Variants in PTPRA observed in about 807,000 individuals in gnomAD.
PTPRA encodes receptor-type tyrosine-protein phosphatase alpha.
In PTPRA, 25 loss-of-function variants were observed where a neutral mutation model predicts 104.8. The ratio of observed to expected loss-of-function variants is 0.24; its 90% CI spans 0.17 to 0.33. The LOEUF is 0.33. Ranked by LOEUF, PTPRA falls within the 10% of genes least tolerant of loss-of-function variation. The probability of loss-of-function intolerance (pLI) is 1.00; values close to 1 mark genes in which losing one functional copy is unlikely to be tolerated. For synonymous variants in PTPRA, 323 were observed against 368.9 expected (o/e 0.88, Z 1.43); for missense variants, 765 against 1,015.3 (o/e 0.75, Z 3.35).
chr20:2,967,214 T>A (rs1006945055), intron 5 of PTPRA, among the ~76,000 whole-genome samples: 1 of 152,188 alleles, frequency 6.6e-6, no homozygotes, highest in Non-Finnish European at 1.5e-5. Context: ...ATAAACTGAC[T>A]TAGGTCCAAA....
At chr20:2,865,807 AG>A in the PTPRA span, 1 of 477,990 alleles carries the variant, frequency 2.1e-6, no homozygotes, top group African/African-American at 2.0e-5. The surrounding 1 kb of genome is among the most constrained non-coding windows in gnomAD (Gnocchi z 5.2). Flanking sequence ...GGGCACAGGG[AG>A]GGTGCATATG....
intron 7 of PTPRA, 70 bp from the exon 8 acceptor site, chr20:2,987,962 G>T: frequency 7.5e-7 from 1 of 1,332,820 alleles, no homozygotes; most frequent in Non-Finnish European, 1.1e-6. Context: ...TGATGAGCAG[G>T]AATACAGAGG....
At chr20:3,017,729 C>T in intron 12 of PTPRA, 87 bp from the exon 13 acceptor site, 1 of 1,177,074 alleles carries the variant, frequency 8.5e-7, no homozygotes, top group Non-Finnish European at 1.3e-6. Flanking sequence ...GCACAAGCTT[C>T]CAAAAGTCAG....
chr20:2,924,293 TCA>T (rs2060210916), intron 2 of PTPRA, among the ~76,000 whole-genome samples: 14 of 152,248 alleles, frequency 9.2e-5, no homozygotes, highest in Admixed American at 6.5e-4. Context: ...TCCCAGCTAC[TCA>T]GGAGGCTAAG....
chr20:2,905,806 T>C (rs914019791), intron 1 of PTPRA, among the ~76,000 whole-genome samples: 5 of 149,976 alleles, frequency 3.3e-5, no homozygotes, highest in Non-Finnish European at 4.4e-5. Context: ...TGTCTCAGCC[T>C]GCCGAATAGC....
the PTPRA span, chr20:2,864,975 T>C: frequency 6.2e-7 from 1 of 1,614,150 alleles, no homozygotes; most frequent in Non-Finnish European, 8.5e-7. This position sits in a 1 kb window ranked among gnomAD's most constrained non-coding sequence, Gnocchi z 5.2. Context: ...CTTGTCTTTA[T>C]AGCGTATTGA....
intron 2 of PTPRA, among the ~76,000 whole-genome samples, chr20:2,945,821 C>A (rs1297268319): frequency 6.6e-6 from 1 of 151,560 alleles, no homozygotes; most frequent in African/African-American, 2.4e-5. Flanking sequence ...CCCAGCTACT[C>A]GAGAGGCTGC....
At chr20:2,885,900 CT>C (rs1156463878) in intron 1 of PTPRA, among the ~76,000 whole-genome samples, 1 of 151,826 alleles carries the variant, frequency 6.6e-6, no homozygotes, top group Non-Finnish European at 1.5e-5. Flanking sequence ...CCCGTCTCTA[CT>C]AAAAATACAA....
chr20:3,031,494 G>A (rs1379210360), intron 20 of PTPRA, among the ~76,000 whole-genome samples: 1 of 151,878 alleles, frequency 6.6e-6, no homozygotes, highest in Non-Finnish European at 1.5e-5. Context: ...TGCTTTTGGA[G>A]GCATCAGTCA....
intron 1 of PTPRA, among the ~76,000 whole-genome samples, chr20:2,904,948 C>T (rs890852832): frequency 4.6e-5 from 7 of 152,060 alleles, no homozygotes; most frequent in Non-Finnish European, 7.4e-5. Context: ...TTATATAGAG[C>T]AGGGATACCC....
intron 6 of PTPRA, among the ~76,000 whole-genome samples, chr20:2,975,838 A>G (rs757299855): frequency 6.6e-5 from 10 of 152,212 alleles, no homozygotes; most frequent in Non-Finnish European, 1.3e-4. Flanking sequence ...AGAGCATGAG[A>G]GAAAGAGAAA....
At chr20:2,979,281 A>G (rs1056745656) in intron 6 of PTPRA, among the ~76,000 whole-genome samples, 1 of 152,126 alleles carries the variant, frequency 6.6e-6, no homozygotes, top group Admixed American at 6.5e-5. Context: ...AAACTAGATT[A>G]TTTCTTTTGG....
At chr20:2,989,874 G>A (rs1177921058) in intron 9 of PTPRA, among the ~76,000 whole-genome samples, 2 of 152,102 alleles carry the variant, frequency 1.3e-5, no homozygotes, top group Admixed American at 6.6e-5. Context: ...AAAATTAGCT[G>A]GGCATGGTGG....
chr20:2,934,163 G>C (rs1428996946), intron 2 of PTPRA, among the ~76,000 whole-genome samples: 1 of 152,106 alleles, frequency 6.6e-6, no homozygotes, highest in Non-Finnish European at 1.5e-5. Flanking sequence ...GAGTACAGTG[G>C]CACAATCATG....
At chr20:2,944,522 C>T (rs1298455897) in intron 2 of PTPRA, among the ~76,000 whole-genome samples, 1 of 152,132 alleles carries the variant, frequency 6.6e-6, no homozygotes, top group East Asian at 1.9e-4. Context: ...TCCCATAGAG[C>T]CAAATGACAG....
intron 6 of PTPRA, among the ~76,000 whole-genome samples, chr20:2,983,357 G>T (rs914264542): frequency 2.0e-5 from 3 of 152,056 alleles, no homozygotes; most frequent in African/African-American, 7.2e-5. Flanking sequence ...AATCGAGGGG[G>T]TTGTTAGAGT....
At chr20:2,887,478 A>G (rs1275665647) in intron 1 of PTPRA, among the ~76,000 whole-genome samples, 2 of 152,050 alleles carry the variant, frequency 1.3e-5, no homozygotes, top group South Asian at 2.1e-4. Flanking sequence ...GGTGATAGGG[A>G]TGGAGATACA....
In PTPRA at chr20:2,873,941, G is replaced by A. The variant is rs572584561; in HGVS notation, c.-129+181G>A. Reference sequence around the variant, plus strand: ...TTGTGCATCCTTGCGGGTCCGTCGCGGGGAGGGGGTCCCCGGAAACGTGCC... The same window carrying A: ...TTGTGCATCCTTGCGGGTCCGTCGCAGGGAGGGGGTCCCCGGAAACGTGCC... On this transcript the variant is annotated intron_variant, in intron 1 of 23. Coordinates refer to ENST00000399903, the MANE Select transcript of PTPRA (RefSeq NM_001385305.1). This position sits in a 1 kb window ranked among gnomAD's most constrained non-coding sequence, Gnocchi z 4.4. 8.5e-5 allele frequency among the ~76,000 whole-genome samples: 13 copies of A among 152,276 alleles called. No individual in the cohort carries two copies. The highest frequency in any genetic ancestry group is 6.2e-4 in the South Asian group (3 of 4,826).
intron 1 of PTPRA, among the ~76,000 whole-genome samples, chr20:2,892,811 C>T (rs1247465229): frequency 6.6e-6 from 1 of 152,174 alleles, no homozygotes; most frequent in Admixed American, 6.5e-5. Flanking sequence ...TTAGTGGCAG[C>T]AGAACTAAGT....
Sources: gnomAD v4.1 joint callset for allele counts (sites outside exome capture counted in the v4.1 genomes callset) on GRCh38, gnomAD v4.1.1 for gene constraint, Gnocchi (gnomAD v3.1) non-coding constraint, MANE v1.5 for transcripts, NCBI Gene and HGNC (gene_info 2026-07-23, HGNC 2026-07-21) for gene names.